Variants in CCNF observed in about 807,000 individuals in gnomAD.
CCNF encodes the protein cyclin F, also known as cyclin-F.
A neutral mutation model predicts 85.4 loss-of-function variants in CCNF; 30 were observed. That is an observed-to-expected ratio of 0.35 (90% confidence interval 0.26 to 0.48). The LOEUF (loss-of-function observed/expected upper bound fraction) is 0.48, where lower values mean the gene tolerates loss of function less well. CCNF is among the 20% of genes least tolerant of loss of function. CCNF has a pLI of 0.99. For missense variants in CCNF, 919 were observed against 1,010.4 expected (o/e 0.91, Z 1.23); for synonymous variants, 439 against 425.1 (o/e 1.03, Z -0.40).
rs1471680326 is a variant in CCNF, at chr16:2,452,906, G to A, written c.1488-304G>A. The A allele has an allele frequency of 9.3e-6, 4 of 431,410 alleles. No individual in the cohort carries two copies. Among genetic ancestry groups the A allele is most frequent in the Non-Finnish European group, 1.3e-5 (3 of 234,880 alleles). The allele number at this position is 431,410 out of a possible 1,614,324, so 26.7% of individuals were successfully genotyped here. On this transcript the variant is annotated intron_variant, in intron 13 of 16. Transcript: ENST00000397066. This position sits in a 1 kb window ranked among gnomAD's most constrained non-coding sequence, Gnocchi z 4.1. ...TTTCATGGCTGAATAATATTCCCCT[G>A]CATGGACCACATGTGTTTATCCATC... is the stretch of plus-strand genomic sequence containing the variant.
intron 3 of CCNF, among the ~76,000 whole-genome samples, 158 bp downstream of exon 3, chr16:2,433,225 A>T (rs1030473286): frequency 6.6e-6 from 1 of 152,092 alleles, no homozygotes; most frequent in African/African-American, 2.4e-5. Flanking sequence ...GGCAGACCTC[A>T]CGCATCAGGC....
At chr16:2,450,463 A>T (rs932427881) in intron 13 of CCNF, among the ~76,000 whole-genome samples, 5 of 151,188 alleles carry the variant, frequency 3.3e-5, no homozygotes, top group Admixed American at 2.0e-4. Context: ...GTGAGCCGAG[A>T]TTGCGCCATT....
chr16:2,446,554 AT>A (rs1465072768), intron 10 of CCNF, among the ~76,000 whole-genome samples: 12 of 152,182 alleles, frequency 7.9e-5, no homozygotes, highest in African/African-American at 2.9e-4. Context: ...TACGATTTGC[AT>A]TTCCTAAACC....
At chr16:2,441,408 G>A (rs1596920171) in intron 8 of CCNF, among the ~76,000 whole-genome samples, 1 of 152,054 alleles carries the variant, frequency 6.6e-6, no homozygotes, top group East Asian at 1.9e-4. Context: ...CAAAAACATT[G>A]TTTACAAGAA....
intron 8 of CCNF, among the ~76,000 whole-genome samples, chr16:2,440,933 T>C (rs1451638091): frequency 6.6e-6 from 1 of 151,898 alleles, no homozygotes; most frequent in African/African-American, 2.4e-5. Flanking sequence ...GACAAAAAAT[T>C]TTAAAATTAG....
intron 13 of CCNF, among the ~76,000 whole-genome samples, chr16:2,450,492 C>T (rs1477032913): frequency 2.1e-5 from 3 of 144,702 alleles, no homozygotes; most frequent in African/African-American, 2.6e-5. Context: ...GCCCAGGCAA[C>T]GAGTGAAACT....
chr16:2,444,161 C>T (rs561858278), intron 9 of CCNF, among the ~76,000 whole-genome samples: 4 of 151,992 alleles, frequency 2.6e-5, no homozygotes, highest in Admixed American at 6.6e-5. Flanking sequence ...CCTCGTGATC[C>T]GCCCGCTTTG....
In CCNF at chr16:2,457,311, G is replaced by A. The variant is rs114568350; in HGVS notation, c.*291G>A. 1,725 of 289,888 alleles carry A rather than the reference G, an allele frequency of 6.0e-3. 33 individuals are homozygous for A. The highest frequency in any genetic ancestry group is 0.033 in the African/African-American group (1,545 of 46,240). 18.0% of individuals were successfully genotyped at this position (289,888 alleles called of 1,614,324 possible). ...GTCCCTTCCGTGTCTCACTGTCTCTGGAAGCTTCAGCCCATGTGTGTCCTG... is the reference window on the plus strand; with the variant it reads ...GTCCCTTCCGTGTCTCACTGTCTCTAGAAGCTTCAGCCCATGTGTGTCCTG... On this transcript the variant is annotated 3_prime_UTR_variant, in exon 17 of 17. Transcript: ENST00000397066.
In CCNF at chr16:2,451,591, C is replaced by T. The variant is rs2065395515; in HGVS notation, c.1488-1619C>T. Among the ~76,000 whole-genome samples the T allele has an allele frequency of 4.6e-5, 7 of 152,070 alleles. No individual in the cohort carries two copies. The South Asian group carries it at 1.5e-3, about 32-fold the overall frequency. ...TTTTTTTCCTTTTTTGAGTTGGGGG[C>T]CCAGGCTGGAGTGCAGTGGCACCAT... On this transcript the variant is annotated intron_variant, in intron 13 of 16. Transcript: ENST00000397066. The surrounding 1 kb of genome is among the most constrained non-coding windows in gnomAD (Gnocchi z 4.3).
intron 4 of CCNF, 71 bp downstream of exon 4, chr16:2,435,944 TC>T: frequency 8.8e-7 from 1 of 1,132,448 alleles, no homozygotes. Flanking sequence ...GAAGAAGTGG[TC>T]CCCGTGTTAG....
chr16:2,443,136 T>C (rs1410875526), intron 8 of CCNF, among the ~76,000 whole-genome samples: 2 of 133,410 alleles, frequency 1.5e-5, no homozygotes, highest in Admixed American at 9.0e-5. Context: ...ATATTATATG[T>C]TTTATATTGT....
rs142970159 is a variant in CCNF, at chr16:2,445,298, C to T, written c.930-160C>T. 3.1e-4 allele frequency: 246 copies of T among 781,616 alleles called. 3 individuals carry two copies. The East Asian group carries it at 6.2e-3, about 20-fold the overall frequency. 48.4% of individuals were successfully genotyped at this position (781,616 alleles called of 1,614,324 possible). ...GCTGGGACCCACGGAGCCTCCCGGGCTTCCTGTGACATGGCCTCTCCAGCC... is the reference window on the plus strand; with the variant it reads ...GCTGGGACCCACGGAGCCTCCCGGGTTTCCTGTGACATGGCCTCTCCAGCC... On this transcript the variant is annotated intron_variant, in intron 9 of 16. Coordinates refer to ENST00000397066, the MANE Select transcript of CCNF (RefSeq NM_001761.3).
At chr16:2,442,898 T>A (rs1402319288) in intron 8 of CCNF, among the ~76,000 whole-genome samples, 3 of 88,688 alleles carry the variant, frequency 3.4e-5, no homozygotes, top group African/African-American at 4.6e-5. Flanking sequence ...ATATTATATA[T>A]TATATAATAT....
At chr16:2,439,257 C>G (rs1286108633) in intron 6 of CCNF, 96 bp from the exon 7 acceptor site, 6 of 1,009,750 alleles carry the variant, frequency 5.9e-6, no homozygotes, top group Non-Finnish European at 8.8e-6. Context: ...AGGATGGCGC[C>G]ATTGCACTCC....
At chr16:2,439,272 TG>T in intron 6 of CCNF, 80 bp from the exon 7 acceptor site, 1 of 1,248,424 alleles carries the variant, frequency 8.0e-7, no homozygotes, top group Non-Finnish European at 1.1e-6. Context: ...CACTCCAACC[TG>T]GGCGACGAGT....
intron 3 of CCNF, among the ~76,000 whole-genome samples, chr16:2,433,983 T>C (rs1240464408): frequency 6.6e-6 from 1 of 152,220 alleles, no homozygotes; most frequent in East Asian, 1.9e-4. Context: ...ATTGAGACAT[T>C]ATCCACACAT....
chr16:2,435,424 A>ATT (rs34956143), intron 3 of CCNF, among the ~76,000 whole-genome samples: 10 of 149,140 alleles, frequency 6.7e-5, no homozygotes, highest in South Asian at 2.1e-4. Context: ...AAAAGAAAAT[A>ATT]TTTTTTTTTG....
At chr16:2,455,279 T>TTGGGAGCACG in intron 15 of CCNF, 116 bp from the exon 16 acceptor site, 1 of 1,311,176 alleles carries the variant, frequency 7.6e-7, no homozygotes, top group Non-Finnish European at 1.0e-6. Context: ...AGCAGAACCT[T>TTGGGAGCACG]TGGGAGCACG....
chr16:2,440,025 A>G (rs1031641048), intron 8 of CCNF, among the ~76,000 whole-genome samples, 199 bp downstream of exon 8: 13 of 152,228 alleles, frequency 8.5e-5, no homozygotes, highest in Non-Finnish European at 1.0e-4. Flanking sequence ...AGAGCTGGGA[A>G]ATGCGTTATT....
Sources: allele counts gnomAD v4.1 joint callset (sites outside exome capture counted in the v4.1 genomes callset), GRCh38; gene constraint gnomAD v4.1.1; non-coding constraint Gnocchi (gnomAD v3.1); transcripts MANE v1.5; gene names NCBI Gene and HGNC (gene_info 2026-07-23, HGNC 2026-07-21).